PRKCZ: variants seen among roughly 807,000 people sequenced by gnomAD.
PRKCZ encodes protein kinase C zeta type.
PRKCZ carries 33 observed loss-of-function variants against 79.5 expected under a neutral mutation model. That is an observed-to-expected ratio of 0.41 (90% CI 0.31 to 0.55). The LOEUF (loss-of-function observed/expected upper bound fraction) is 0.55, where lower values mean the gene tolerates loss of function less well. PRKCZ is among the 20% of genes least tolerant of loss of function. PRKCZ has a pLI of 0.19. For synonymous variants in PRKCZ, 342 were observed against 320.9 expected (o/e 1.07, Z -0.70); for missense variants, 578 against 813.5 (o/e 0.71, Z 3.52).
chr1:2,128,419 C>A lies in PRKCZ; in HGVS notation c.335-6843C>A, dbSNP rs1321846002. On this transcript the variant is annotated intron_variant, in intron 4 of 17. Coordinates refer to ENST00000378567, the MANE Select transcript of PRKCZ (RefSeq NM_002744.6). The surrounding 1 kb of genome is among the most constrained non-coding windows in gnomAD (Gnocchi z 6.5). Reference sequence around the variant, plus strand: ...ACCCAAGGGCTGTCGCCTGTCCCAGCCTGCTGCTCCGAGTTTAGTGTTTTA... The same window carrying A: ...ACCCAAGGGCTGTCGCCTGTCCCAGACTGCTGCTCCGAGTTTAGTGTTTTA... 6.6e-6 allele frequency among the ~76,000 whole-genome samples: 1 copy of A among 152,252 alleles called. No individual in the cohort carries two copies. Among genetic ancestry groups the A allele is most frequent in the Non-Finnish European group, 1.5e-5 (1 of 68,032 alleles).
intron 3 of PRKCZ, among the ~76,000 whole-genome samples, chr1:2,058,124 C>T (rs1274526022): frequency 6.6e-6 from 1 of 152,208 alleles, no homozygotes; most frequent in Admixed American, 6.5e-5. Context: ...GCCTCAGCCT[C>T]CCAAAGTGCT....
At chr1:2,117,870 G>A (rs1011879894) in intron 4 of PRKCZ, among the ~76,000 whole-genome samples, 2 of 152,012 alleles carry the variant, frequency 1.3e-5, no homozygotes, top group African/African-American at 4.8e-5. Context: ...TAGACCGATG[G>A]CATTCCTGTA....
At chr1:2,134,657 C>T (rs1166210988) in intron 4 of PRKCZ, among the ~76,000 whole-genome samples, 2 of 152,188 alleles carry the variant, frequency 1.3e-5, no homozygotes, top group Non-Finnish European at 2.9e-5. Flanking sequence ...TTTGGCTCTC[C>T]TGCCCTGAGA....
At chr1:2,085,073 A>G (rs548925874) in intron 4 of PRKCZ, among the ~76,000 whole-genome samples, 37 of 151,094 alleles carry the variant, frequency 2.4e-4, no homozygotes, top group South Asian at 1.5e-3. Flanking sequence ...CCACCCCAAC[A>G]TGACCGACAA....
chr1:2,066,276 G>A (rs1571136291), intron 4 of PRKCZ, among the ~76,000 whole-genome samples: 1 of 152,306 alleles, frequency 6.6e-6, no homozygotes, highest in African/African-American at 2.4e-5. Context: ...AAAAACTGGT[G>A]TTAGTTCTTC....
chr1:2,154,074 G>A (rs896459078), intron 9 of PRKCZ, among the ~76,000 whole-genome samples: 1 of 152,184 alleles, frequency 6.6e-6, no homozygotes, highest in Admixed American at 6.5e-5. Context: ...TGATGCCAAC[G>A]CCGACGTCCC....
chr1:2,085,681 G>T (rs1245467438), intron 4 of PRKCZ, among the ~76,000 whole-genome samples: 1 of 139,882 alleles, frequency 7.1e-6, no homozygotes, highest in South Asian at 2.5e-4. Flanking sequence ...GTGAGGCACC[G>T]TGCTGGAGGG....
chr1:2,081,514 A>G (rs1413567910), intron 4 of PRKCZ, among the ~76,000 whole-genome samples: 1 of 152,188 alleles, frequency 6.6e-6, no homozygotes, highest in East Asian at 1.9e-4. Context: ...CCATGGCTGC[A>G]GACCCCGGTG....
At chr1:2,151,430 G>A (rs1314786409) in intron 9 of PRKCZ, among the ~76,000 whole-genome samples, 1 of 152,222 alleles carries the variant, frequency 6.6e-6, no homozygotes. Context: ...AGCAGACTGC[G>A]GTTGAGTTTT....
At chr1:2,080,291 A>G (rs569856652) in intron 4 of PRKCZ, among the ~76,000 whole-genome samples, 5 of 127,938 alleles carry the variant, frequency 3.9e-5, no homozygotes, top group African/African-American at 2.6e-4. Context: ...GTATGCAGGA[A>G]AACCAGAGTT....
intron 15 of PRKCZ, 61 bp from the exon 16 acceptor site, chr1:2,175,162 GA>G: frequency 6.9e-7 from 1 of 1,443,410 alleles, no homozygotes; most frequent in Non-Finnish European, 9.7e-7. Context: ...CCACCAAGGA[GA>G]GGGGGTCATG....
chr1:2,158,825 C>T (rs955151443), intron 10 of PRKCZ, among the ~76,000 whole-genome samples: 19 of 152,328 alleles, frequency 1.2e-4, no homozygotes, highest in Admixed American at 1.0e-3. Flanking sequence ...GAATTGTCGT[C>T]TGTGGGGTGT....
At chr1:2,119,498 A>T (rs1056077961) in intron 4 of PRKCZ, among the ~76,000 whole-genome samples, 3 of 152,170 alleles carry the variant, frequency 2.0e-5, no homozygotes, top group Non-Finnish European at 4.4e-5. Flanking sequence ...TACAGGCATG[A>T]GCCACTGTGC....
intron 4 of PRKCZ, among the ~76,000 whole-genome samples, chr1:2,110,891 G>A (rs1295850834): frequency 2.0e-5 from 3 of 152,074 alleles, no homozygotes; most frequent in Admixed American, 6.5e-5. Flanking sequence ...GCTGGTGGAC[G>A]GTGTAGTTCC....
chr1:2,110,316 C>G (rs566603566), intron 4 of PRKCZ, among the ~76,000 whole-genome samples: 3 of 152,218 alleles, frequency 2.0e-5, no homozygotes, highest in Non-Finnish European at 4.4e-5. Context: ...CTGCCTCCAG[C>G]GGGGGCCCCG....
At position 2,059,554 on chromosome 1, in the gene PRKCZ, C is replaced by G. The variant is rs368944910; in HGVS notation, c.297C>G (p.Thr99=). The change falls in exon 4 of 18, where the codon ACC becomes ACG. Residue 99 remains threonine, a synonymous_variant. Coordinates refer to ENST00000378567, the MANE Select transcript of PRKCZ (RefSeq NM_002744.6). ...EGLIIHVFPS[T]PEQPGLPCPG... is the part of the protein sequence containing the mutation. ...TCTCTTGTCCAGTTTTCCCGAGCAC[C>G]CCTGAGCAGCCTGGCCTGCCATGTC... 5 of 1,614,234 alleles carry G rather than the reference C, an allele frequency of 3.1e-6. No homozygotes were observed. Among genetic ancestry groups the G allele is most frequent in the Non-Finnish European group, 3.4e-6 (4 of 1,180,038 alleles).
At position 2,169,575 on chromosome 1, in the gene PRKCZ, G is replaced by A; in HGVS notation, c.1032G>A (p.Arg344=). ...NGGDLMFHMQ[R]QRKLPEEHAR... is the part of the protein sequence containing the mutation. Reference sequence around the variant, plus strand: ...GGGACCTGATGTTCCACATGCAGAGGCAGAGGAAGCTCCCTGAGGAGCACG... The same window carrying A: ...GGGACCTGATGTTCCACATGCAGAGACAGAGGAAGCTCCCTGAGGAGCACG... The change falls in exon 11 of 18, where the codon AGG becomes AGA. Residue 344 remains arginine, a synonymous_variant. Coordinates refer to ENST00000378567, the MANE Select transcript of PRKCZ (RefSeq NM_002744.6). 1 of 1,531,982 alleles carries A rather than the reference G, an allele frequency of 6.5e-7. No individual in the cohort carries two copies. Among genetic ancestry groups the A allele is most frequent in the South Asian group, 1.2e-5 (1 of 82,900 alleles). 94.9% of individuals were successfully genotyped at this position (1,531,982 alleles called of 1,614,324 possible).
intron 4 of PRKCZ, among the ~76,000 whole-genome samples, chr1:2,102,611 T>G (rs60837153): frequency 2.6e-5 from 4 of 152,138 alleles, no homozygotes; most frequent in Non-Finnish European, 2.9e-5. Context: ...GGATTACAGG[T>G]GTGAGCCACC....
rs1672055090 is a variant in PRKCZ at position 2,121,694 on chromosome 1, GGTTAGGGTCACGGTGGTA to G, written c.335-13554_335-13537del. Among the ~76,000 whole-genome samples, 7 of 12,124 alleles carry G rather than the reference GGTTAGGGTCACGGTGGTA, an allele frequency of 5.8e-4. 3 individuals carry two copies. Among genetic ancestry groups the G allele is most frequent in the African/African-American group, 1.9e-3 (3 of 1,582 alleles). 8.0% of individuals were successfully genotyped at this position (12,124 alleles called of 152,430 possible). A position where few individuals can be genotyped will look rare whatever the true frequency, so the allele number is the denominator to read the frequency against. ...TGGTGGTGGTTAGGGTCACGGTGGT[GGTTAGGGTCACGGTGGTA>G]GTTAGGGTCACGGCGGTACTTAGGG... On this transcript the variant is annotated intron_variant, in intron 4 of 17. Transcript: ENST00000378567.
Sources: gnomAD v4.1 joint callset for allele counts (sites outside exome capture counted in the v4.1 genomes callset) on GRCh38, gnomAD v4.1.1 for gene constraint, Gnocchi (gnomAD v3.1) non-coding constraint, MANE v1.5 for transcripts, NCBI Gene and HGNC (gene_info 2026-07-23, HGNC 2026-07-21) for gene names.